The following DGKI variants were observed in gnomAD, a reference collection of about 807,000 sequenced individuals.
The protein encoded by DGKI is DAG kinase iota.
DGKI carries 55 observed loss-of-function variants against 147.5 expected under a neutral mutation model. The observed-to-expected ratio is 0.37, with a 90% CI of 0.30 to 0.47. DGKI has a LOEUF of 0.47. DGKI is among the 20% of genes least tolerant of loss of function. DGKI has a pLI of 1.00. For missense variants in DGKI, 1,007 were observed against 1,323.8 expected, an observed-to-expected ratio of 0.76 and a Z score of 3.71; for synonymous variants, 469 against 477.1, an observed-to-expected ratio of 0.98 and a Z score of 0.22.
At position 137,585,264 on chromosome 7, in the gene DGKI, T is replaced by C; in HGVS notation, c.1508A>G (p.His503Arg). ...AGGCAAGTCGGGGTTTCTTTCCACA[T>C]GGAGGTTCCAGCGATCTAGCTGTAC... ...TVVQLDRWNL[H>R]VERNPDLPPE... is the part of the protein sequence containing the mutation. The change falls in exon 14 of 33, where the codon CAT (histidine) becomes CGT (arginine). Residue 503 changes from histidine to arginine, a missense_variant. Physicochemically the swap from His to Arg is conservative, Grantham distance 29. Around this residue, in one of 5 missense-constraint regions of DGKI, gnomAD observed 224 missense variants for 382.7 expected, o/e 0.59. Coordinates refer to ENST00000614521, the MANE Select transcript of DGKI (RefSeq NM_001321708.2). The C allele has an allele frequency of 1.9e-6, 3 of 1,614,172 alleles. No individual in the cohort carries two copies. The highest frequency in any genetic ancestry group is 1.3e-5 in the African/African-American group (1 of 75,046).
At chr7:137,638,321 C>T (rs896666298) in intron 6 of DGKI, among the ~76,000 whole-genome samples, 59 of 150,796 alleles carry the variant, frequency 3.9e-4, no homozygotes, top group African/African-American at 1.4e-3. Context: ...TGTTCCTCCT[C>T]CAATTTTTAT....
chr7:137,494,029 C>T (rs979094455), intron 21 of DGKI, among the ~76,000 whole-genome samples: 5 of 152,088 alleles, frequency 3.3e-5, no homozygotes, highest in Non-Finnish European at 7.4e-5. Flanking sequence ...TTTCAGAATA[C>T]AACTGCAAGT....
At chr7:137,819,037 C>T (rs956810138) in intron 1 of DGKI, among the ~76,000 whole-genome samples, 1 of 152,168 alleles carries the variant, frequency 6.6e-6, no homozygotes, top group Non-Finnish European at 1.5e-5. Flanking sequence ...AGGTGATGAT[C>T]CTAAGGCTCT....
intron 1 of DGKI, among the ~76,000 whole-genome samples, chr7:137,763,333 C>T (rs535369244): frequency 6.6e-6 from 1 of 152,200 alleles, no homozygotes; most frequent in Non-Finnish European, 1.5e-5. Flanking sequence ...TGAACTGACA[C>T]ACACCTCAAA....
rs1563108336 is a variant in DGKI at position 137,605,380 on chromosome 7, A to AAAATAAAAT, written c.1167+3585_1167+3586insATTTTATTT. ...TAAAATAAAATAAAATAAAATAAAAAAAGTTGAAATTTTGGTCCCTGATTC... is the reference window on the plus strand; with the variant it reads ...TAAAATAAAATAAAATAAAATAAAAAAAATAAAATAAGTTGAAATTTTGGTCCCTGATTC... On this transcript the variant is annotated intron_variant, in intron 10 of 32. Coordinates refer to ENST00000614521, the MANE Select transcript of DGKI (RefSeq NM_001321708.2). 1.6e-3 allele frequency among the ~76,000 whole-genome samples: 203 copies of AAAATAAAAT among 128,762 alleles called. 1 individual carries two copies. Among genetic ancestry groups the AAAATAAAAT allele is most frequent in the African/African-American group, 5.6e-3 (182 of 32,404 alleles). The allele number at this position is 128,762 out of a possible 152,430, so 84.5% of individuals were successfully genotyped here.
At position 137,602,397 on chromosome 7, in the gene DGKI, T is replaced by C. The variant is rs552071172; in HGVS notation, c.1168-2492A>G. ...CACAGAGGTGACATTTCTATTGCAG[T>C]CTATTGGAATAACATGCCTGCAATT... On this transcript the variant is annotated intron_variant, in intron 10 of 32. Transcript: ENST00000614521. 2.3e-3 allele frequency among the ~76,000 whole-genome samples: 351 copies of C among 152,364 alleles called. 2 individuals carry two copies. The highest frequency in any genetic ancestry group is 7.7e-3 in the African/African-American group (322 of 41,598).
chr7:137,638,947 C>T (rs1332289523), intron 6 of DGKI, among the ~76,000 whole-genome samples: 1 of 151,982 alleles, frequency 6.6e-6, no homozygotes, highest in Non-Finnish European at 1.5e-5. Flanking sequence ...AGGAAACTAG[C>T]TCTCCTCACC....
At chr7:137,445,179 G>A (rs1334821568) in intron 27 of DGKI, among the ~76,000 whole-genome samples, 3 of 152,112 alleles carry the variant, frequency 2.0e-5, no homozygotes, top group South Asian at 4.2e-4. Context: ...TAGCTACTTT[G>A]GGATGCTTGA....
In DGKI at chr7:137,384,046, C is replaced by T. The variant is rs1351821963; in HGVS notation, c.*7174G>A. 3 of 152,162 alleles carry T rather than the reference C, an allele frequency of 2.0e-5. No individual in the cohort carries two copies. The highest frequency in any genetic ancestry group is 4.4e-5 in the Non-Finnish European group (3 of 67,958). The allele number at this position is 152,162 out of a possible 1,614,324, so 9.4% of individuals were successfully genotyped here. Reference sequence around the variant, plus strand: ...GACTATGTATTATCATAACACTTAGCTTGCATACCCACCCATAAACTTAGA... The same window carrying T: ...GACTATGTATTATCATAACACTTAGTTTGCATACCCACCCATAAACTTAGA... On this transcript the variant is annotated 3_prime_UTR_variant, in exon 33 of 33. Coordinates refer to ENST00000614521, the MANE Select transcript of DGKI (RefSeq NM_001321708.2).
At chr7:137,811,159 G>A (rs940437810) in intron 1 of DGKI, among the ~76,000 whole-genome samples, 6 of 152,058 alleles carry the variant, frequency 3.9e-5, no homozygotes, top group African/African-American at 7.2e-5. Flanking sequence ...AATAACACAC[G>A]AAAATGGGCT....
chr7:137,542,028 C>T (rs1445579499), intron 20 of DGKI, among the ~76,000 whole-genome samples: 1 of 152,086 alleles, frequency 6.6e-6, no homozygotes, highest in Non-Finnish European at 1.5e-5. Flanking sequence ...ACATGATGAA[C>T]TCTCAAAGTT....
At position 137,617,123 on chromosome 7, in the gene DGKI, C is replaced by CT. The variant is rs1475334968; in HGVS notation, c.993+2700_993+2701insA. On this transcript the variant is annotated intron_variant, in intron 8 of 32. Coordinates refer to ENST00000614521, the MANE Select transcript of DGKI (RefSeq NM_001321708.2). ...ATGTACTGCCAGTGTATCCCTTTTA[C>CT]CAAAAAAAAAAAAAAAAAAAAAAAA... Among the ~76,000 whole-genome samples the CT allele has an allele frequency of 8.3e-3, 485 of 58,460 alleles. 1 individual carries two copies. Among genetic ancestry groups the CT allele is most frequent in the South Asian group, 0.024 (42 of 1,782 alleles). 38.4% of individuals were successfully genotyped at this position (58,460 alleles called of 152,430 possible).
intron 28 of DGKI, among the ~76,000 whole-genome samples, chr7:137,443,679 T>C (rs1027451568): frequency 6.6e-6 from 1 of 152,208 alleles, no homozygotes; most frequent in African/African-American, 2.4e-5. Flanking sequence ...ATGATCCCAA[T>C]GTCCATTCTG....
chr7:137,754,854 TG>T (rs1795632059), intron 1 of DGKI, among the ~76,000 whole-genome samples: 1 of 152,016 alleles, frequency 6.6e-6, no homozygotes, highest in African/African-American at 2.4e-5. Flanking sequence ...AGCAGAGGGG[TG>T]GGAAGATGCC....
intron 12 of DGKI, among the ~76,000 whole-genome samples, chr7:137,593,026 CCTT>C (rs145404789): frequency 0.02 from 2,983 of 152,288 alleles, 42 homozygotes; most frequent in Non-Finnish European, 0.033. Context: ...AATAATACTT[CCTT>C]CTTTGCATTG....
intron 3 of DGKI, among the ~76,000 whole-genome samples, chr7:137,667,494 C>A (rs1290924833): frequency 6.6e-6 from 1 of 152,046 alleles, no homozygotes; most frequent in Non-Finnish European, 1.5e-5. Flanking sequence ...TTTTTCAGTC[C>A]TTGCTGGTGT....
chr7:137,724,299 G>C (rs1794657132), intron 1 of DGKI, among the ~76,000 whole-genome samples: 3 of 152,062 alleles, frequency 2.0e-5, no homozygotes, highest in Admixed American at 2.0e-4. Flanking sequence ...ATTTTCTAAG[G>C]GCAAAAAGAA....
intron 28 of DGKI, among the ~76,000 whole-genome samples, chr7:137,436,223 C>G (rs769612927): frequency 2.6e-5 from 4 of 152,030 alleles, no homozygotes; most frequent in Non-Finnish European, 4.4e-5. Context: ...AGATTGGAAC[C>G]CTATTTTCTT....
intron 3 of DGKI, among the ~76,000 whole-genome samples, chr7:137,662,476 C>G (rs1434454363): frequency 6.6e-6 from 1 of 152,104 alleles, no homozygotes; most frequent in Non-Finnish European, 1.5e-5. Flanking sequence ...ATCTCCTGAT[C>G]TCGTGATCCA....
Sources: allele counts gnomAD v4.1 joint callset (sites outside exome capture counted in the v4.1 genomes callset), GRCh38; gene constraint gnomAD v4.1.1; regional missense constraint gnomAD v4.1.1; transcripts MANE v1.5; gene names NCBI Gene and HGNC (gene_info 2026-07-23, HGNC 2026-07-21).